Variants in AVEN observed in about 807,000 individuals in gnomAD.
AVEN encodes the protein cell death regulator Aven.
Under a neutral mutation model 38.1 loss-of-function variants are expected in AVEN, and 41 were observed. The observed-to-expected ratio is 1.08, with a 90% confidence interval of 0.84 to 1.40. AVEN has a LOEUF of 1.40. AVEN is among the 40% of genes most tolerant of loss of function. The pLI, the probability that AVEN is intolerant of heterozygous loss-of-function variation, is 0.00. For missense variants in AVEN, 605 were observed against 438.8 expected (o/e 1.38, Z -3.38); for synonymous variants, 206 against 171.8 (o/e 1.20, Z -1.56).
At chr15:33,899,073 G>A (rs543856116) in intron 2 of AVEN, among the ~76,000 whole-genome samples, 13 of 152,250 alleles carry the variant, frequency 8.5e-5, no homozygotes, top group African/African-American at 3.1e-4. Flanking sequence ...GGAAAGGTAG[G>A]TGGGGACCAG....
chr15:33,854,097 G>A (rs753482924), downstream of AVEN, among the ~76,000 whole-genome samples: 1 of 151,688 alleles, frequency 6.6e-6, no homozygotes, highest in East Asian at 1.9e-4. Flanking sequence ...TTGGGAGGCT[G>A]AGGCAGGAGA....
rs1268452803 is a variant in AVEN at position 34,063,213 on chromosome 15, A to G, written n.1346T>C. 1 of 1,614,158 alleles carries G rather than the reference A, an allele frequency of 6.2e-7. No individual in the cohort carries two copies. ...CTCCTTCATCCTCTGGGCCCCAGCAATCCTCTGCTGGCAGTACTTGGTTGG... is the reference window on the plus strand; with the variant it reads ...CTCCTTCATCCTCTGGGCCCCAGCAGTCCTCTGCTGGCAGTACTTGGTTGG... On this transcript the variant is annotated non_coding_transcript_exon_variant, in exon 5 of 12. Coordinates refer to the AVEN transcript ENST00000675287. This position sits in a 1 kb window ranked among gnomAD's most constrained non-coding sequence, Gnocchi z 4.1.
At chr15:33,860,782 T>C (rs1417620119) in intron 11 of AVEN, 3 of 797,338 alleles carry the variant, frequency 3.8e-6, no homozygotes, top group East Asian at 5.3e-5. Context: ...CAGTTTGTTT[T>C]CCATGCCCTG....
chr15:33,858,851 C>G (rs2080013373), exon 12 of AVEN: 1 of 152,282 alleles, frequency 6.6e-6, no homozygotes, highest in African/African-American at 2.4e-5. Context: ...CTGTGAGCAT[C>G]TCCATAAAAG....
At chr15:34,057,688 G>A (rs1900207004) in intron 5 of AVEN, among the ~76,000 whole-genome samples, 1 of 152,132 alleles carries the variant, frequency 6.6e-6, no homozygotes, top group Non-Finnish European at 1.5e-5. Flanking sequence ...TCCCAGCTAC[G>A]TGGGAGGCTG....
chr15:34,050,938 T>A (rs918958883), intron 5 of AVEN, among the ~76,000 whole-genome samples: 1 of 152,150 alleles, frequency 6.6e-6, no homozygotes, highest in African/African-American at 2.4e-5. Context: ...ATTAGACAGA[T>A]CACTGAGAGA....
intron 2 of AVEN, among the ~76,000 whole-genome samples, chr15:33,895,690 A>G (rs1004116749): frequency 6.6e-6 from 1 of 152,098 alleles, no homozygotes; most frequent in Non-Finnish European, 1.5e-5. Context: ...TACCTCCAAT[A>G]TAGTATTCTG....
In AVEN at chr15:33,866,733, G is replaced by A; in HGVS notation, c.974-5C>T. 1 of 1,602,452 alleles carries A rather than the reference G, an allele frequency of 6.2e-7. No individual in the cohort carries two copies. On this transcript the variant is annotated splice_region_variant and splice_polypyrimidine_tract_variant and intron_variant, in intron 5 of 5. Coordinates refer to ENST00000306730, the MANE Select transcript of AVEN (RefSeq NM_020371.3). ...TCACAGATGGTTTTGCACAAACTGGGGGAAAAAAAACAATGTTAACACCCT... is the reference window on the plus strand; with the variant it reads ...TCACAGATGGTTTTGCACAAACTGGAGGAAAAAAAACAATGTTAACACCCT...
rs1034143789 is a variant in AVEN, at chr15:33,871,094, G to A, written c.517-64C>T. Reference sequence around the variant, plus strand: ...TGATTATGACCTTTTGGAAATAAAAGAAGAAACTGTAAATAATCCACTGGA... The same window carrying A: ...TGATTATGACCTTTTGGAAATAAAAAAAGAAACTGTAAATAATCCACTGGA... On this transcript the variant is annotated intron_variant, in intron 3 of 5. Coordinates refer to ENST00000306730, the MANE Select transcript of AVEN (RefSeq NM_020371.3). 7 of 1,075,396 alleles carry A rather than the reference G, an allele frequency of 6.5e-6. No homozygotes were observed. The East Asian group carries it at 1.9e-4, about 29-fold the overall frequency. 66.6% of individuals were successfully genotyped at this position (1,075,396 alleles called of 1,614,324 possible).
chr15:33,921,062 T>C (rs1035816947), intron 2 of AVEN, among the ~76,000 whole-genome samples: 1 of 152,184 alleles, frequency 6.6e-6, no homozygotes, highest in Non-Finnish European at 1.5e-5. Flanking sequence ...TGGCGTGAGC[T>C]ACCGCACCTG....
chr15:33,890,791 C>T (rs574008423), intron 2 of AVEN, among the ~76,000 whole-genome samples: 1 of 152,276 alleles, frequency 6.6e-6, no homozygotes, highest in Admixed American at 6.5e-5. Flanking sequence ...AACTTACTAG[C>T]TGATGAGCTA....
intron 1 of AVEN, among the ~76,000 whole-genome samples, chr15:34,014,479 T>C (rs1483041114): frequency 7.0e-6 from 1 of 142,684 alleles, no homozygotes; most frequent in Non-Finnish European, 1.5e-5. Flanking sequence ...AAAGAGCAAC[T>C]AGGGTAACAA....
intron 2 of AVEN, among the ~76,000 whole-genome samples, chr15:33,944,161 A>G (rs933616391): frequency 3.3e-5 from 5 of 152,226 alleles, no homozygotes; most frequent in African/African-American, 1.2e-4. Context: ...GAAGACCCAC[A>G]CGAGTCTGAA....
intron 4 of AVEN, among the ~76,000 whole-genome samples, chr15:33,868,326 A>C (rs952647342): frequency 6.6e-6 from 1 of 152,068 alleles, no homozygotes; most frequent in Non-Finnish European, 1.5e-5. Context: ...GATTGAGACC[A>C]TCCTGGCTAA....
chr15:34,065,449 G>C (rs1467956624), intron 4 of AVEN: 1 of 152,164 alleles, frequency 6.6e-6, no homozygotes, highest in African/African-American at 2.4e-5. Context: ...CCAAGCAGGG[G>C]GTTGTGGGGT....
intron 2 of AVEN, among the ~76,000 whole-genome samples, chr15:33,898,745 G>T (rs1343955819): frequency 6.6e-6 from 1 of 152,074 alleles, no homozygotes; most frequent in African/African-American, 2.4e-5. Context: ...TTTTAGGAGG[G>T]CACAATTCAA....
chr15:33,915,447 C>A (rs976385807), intron 2 of AVEN, among the ~76,000 whole-genome samples: 1 of 152,130 alleles, frequency 6.6e-6, no homozygotes, highest in Non-Finnish European at 1.5e-5. Flanking sequence ...TATGACTTAC[C>A]TGGAGCTGAG....
At chr15:34,023,347 G>A (rs1898295261) in intron 1 of AVEN, among the ~76,000 whole-genome samples, 1 of 152,176 alleles carries the variant, frequency 6.6e-6, no homozygotes, top group African/African-American at 2.4e-5. Flanking sequence ...GAAATAGGCT[G>A]TGGTGGGCTA....
intron 2 of AVEN, among the ~76,000 whole-genome samples, chr15:33,933,516 CACACACACAGAGAGAGAGAGAGAGAGAG>C (rs1893936462): frequency 1.7e-5 from 2 of 120,154 alleles, no homozygotes; most frequent in African/African-American, 6.6e-5. Flanking sequence ...CACACACACA[CACACACACAGAGAGAGAGAGAGAGAGAG>C]AGAGAGAGAG....
Sources: allele counts gnomAD v4.1 joint callset (sites outside exome capture counted in the v4.1 genomes callset), GRCh38; gene constraint gnomAD v4.1.1; non-coding constraint Gnocchi (gnomAD v3.1); transcripts MANE v1.5; gene names NCBI Gene and HGNC (gene_info 2026-07-23, HGNC 2026-07-21).